The following PDE8B variants were observed in gnomAD, a reference collection of about 807,000 sequenced individuals.
PDE8B encodes the protein phosphodiesterase 8B.
A neutral mutation model predicts 101.3 loss-of-function variants in PDE8B; 26 were observed. That is an observed-to-expected ratio of 0.26 (90% CI 0.19 to 0.36). PDE8B has a LOEUF of 0.36. PDE8B is among the 10% of genes least tolerant of loss of function. PDE8B has a pLI of 1.00. For missense variants in PDE8B, 810 were observed against 1,163.1 expected (o/e 0.70, Z 4.42); for synonymous variants, 424 against 429.3 (o/e 0.99, Z 0.15).
At chr5:77,172,506 T>C in the PDE8B span, among the ~76,000 whole-genome samples, 58 of 152,324 alleles carry the variant, frequency 3.8e-4, no homozygotes, top group African/African-American at 1.3e-3. Context: ...GAACATCTGA[T>C]GGTGATGGAG....
rs143234269 is a variant in PDE8B, at chr5:77,415,872, A to C, written c.1912-2357A>C. Among the ~76,000 whole-genome samples the C allele has an allele frequency of 5.9e-3, 906 of 152,314 alleles. 7 individuals are homozygous for C. The highest frequency in any genetic ancestry group is 0.021 in the African/African-American group (858 of 41,560). ...ACATGAATATTTATCCTGAATAAGA[A>C]ACTATTTGAAAGACAGATCTAGAAT... On this transcript the variant is annotated intron_variant, in intron 17 of 21. Transcript: ENST00000264917.
chr5:77,210,168 A>C (rs1747932915), upstream of PDE8B, among the ~76,000 whole-genome samples: 1 of 152,036 alleles, frequency 6.6e-6, no homozygotes, highest in Non-Finnish European at 1.5e-5. This position sits in a 1 kb window ranked among gnomAD's most constrained non-coding sequence, Gnocchi z 4.9. Context: ...GAAAAGCGAG[A>C]GGCTTACACA....
intron 2 of PDE8B, among the ~76,000 whole-genome samples, chr5:77,312,369 G>T (rs1188143588): frequency 6.6e-6 from 1 of 152,194 alleles, no homozygotes; most frequent in Non-Finnish European, 1.5e-5. Flanking sequence ...CTCCCAGAGT[G>T]CTGGGATTAC....
chr5:77,196,329 A>G, the PDE8B span, among the ~76,000 whole-genome samples: 4 of 152,258 alleles, frequency 2.6e-5, no homozygotes, highest in African/African-American at 9.6e-5. Flanking sequence ...TTGGTATCAT[A>G]TTTAAGAAAC....
the PDE8B span, among the ~76,000 whole-genome samples, chr5:77,168,139 T>C: frequency 6.6e-6 from 1 of 152,224 alleles, no homozygotes; most frequent in Non-Finnish European, 1.5e-5. Context: ...TATTTTAAAT[T>C]TGAAGACAGG....
chr5:77,388,208 A>G (rs1019348644), intron 10 of PDE8B, among the ~76,000 whole-genome samples: 6 of 151,998 alleles, frequency 3.9e-5, no homozygotes, highest in Admixed American at 3.9e-4. Context: ...CCCCATCTTC[A>G]TGTATTTATC....
At chr5:77,126,699 C>G in the PDE8B span, among the ~76,000 whole-genome samples, 4 of 152,232 alleles carry the variant, frequency 2.6e-5, no homozygotes, top group South Asian at 8.3e-4. Context: ...GGATTACAGG[C>G]GTGAGCCACA....
At chr5:77,301,013 G>A (rs773595736) in intron 1 of PDE8B, among the ~76,000 whole-genome samples, 11 of 152,214 alleles carry the variant, frequency 7.2e-5, no homozygotes, top group Non-Finnish European at 1.5e-4. Flanking sequence ...TGCCCGACAA[G>A]GATTCATTAC....
At chr5:77,393,061 G>T (rs1252295494) in intron 10 of PDE8B, among the ~76,000 whole-genome samples, 1 of 152,142 alleles carries the variant, frequency 6.6e-6, no homozygotes, top group Non-Finnish European at 1.5e-5. Context: ...AGTAATTCAG[G>T]TTTAGCCCAA....
chr5:77,344,745 A>T (rs1440652446), intron 6 of PDE8B, 108 bp from the exon 7 acceptor site: 12 of 804,358 alleles, frequency 1.5e-5, no homozygotes, highest in Non-Finnish European at 2.5e-5. Flanking sequence ...CAATAACAAA[A>T]AGTACGTAGA....
chr5:77,197,181 C>T, the PDE8B span, among the ~76,000 whole-genome samples: 248 of 144,710 alleles, frequency 1.7e-3, no homozygotes, highest in African/African-American at 6.1e-3. Flanking sequence ...GGCATGATCT[C>T]GGCTCACTTC....
chr5:77,418,800 G>A lies in PDE8B; in HGVS notation c.2129+354G>A, dbSNP rs540159125. 1.3e-4 allele frequency among the ~76,000 whole-genome samples: 20 copies of A among 152,100 alleles called. No homozygotes were observed. In the South Asian group the frequency reaches 3.1e-3, roughly 24 times the overall value. The stretch of plus-strand genomic sequence containing the variant: ...CCCATTTTTCCCTAGCTCAATTTCC[G>A]GCCGCTTAAAATACTCCCTCATGAG... On this transcript the variant is annotated intron_variant, in intron 18 of 21. Transcript: ENST00000264917.
chr5:77,134,940 G>A, the PDE8B span, among the ~76,000 whole-genome samples: 5 of 152,180 alleles, frequency 3.3e-5, no homozygotes, highest in Admixed American at 2.6e-4. Flanking sequence ...TGGCAGTCCT[G>A]GAGGTACACT....
the PDE8B span, chr5:77,146,372 G>A: frequency 6.6e-6 from 1 of 152,324 alleles, no homozygotes; most frequent in Non-Finnish European, 1.5e-5. Context: ...CTCGCCATGA[G>A]TGTGGATGGA....
chr5:77,378,507 C>T (rs1786788814), intron 10 of PDE8B, among the ~76,000 whole-genome samples: 2 of 138,408 alleles, frequency 1.4e-5, no homozygotes, highest in Admixed American at 1.4e-4. Context: ...AAGATCTTTT[C>T]TCAAAACCTA....
chr5:77,326,793 C>T (rs1213464620), intron 3 of PDE8B, among the ~76,000 whole-genome samples: 1 of 152,004 alleles, frequency 6.6e-6, no homozygotes. Flanking sequence ...TTTTTCTTGG[C>T]CTTCACTTAC....
intron 10 of PDE8B, among the ~76,000 whole-genome samples, chr5:77,390,254 A>G (rs1789629803): frequency 6.6e-6 from 1 of 152,230 alleles, no homozygotes; most frequent in Admixed American, 6.5e-5. Flanking sequence ...GTTTGTAAAC[A>G]AAGCATTTAG....
chr5:77,240,827 T>C (rs968067872), intron 1 of PDE8B, among the ~76,000 whole-genome samples: 3 of 152,224 alleles, frequency 2.0e-5, no homozygotes, highest in African/African-American at 7.2e-5. Context: ...AAAATAAAAT[T>C]ATTTTGTCTT....
At chr5:77,369,203 C>CAAAAAAAA (rs70988667) in intron 10 of PDE8B, among the ~76,000 whole-genome samples, 5 of 79,020 alleles carry the variant, frequency 6.3e-5, no homozygotes, top group African/African-American at 1.1e-4. Context: ...TCCACTGTCT[C>CAAAAAAAA]AAAAAAAAAA....
Sources: gnomAD v4.1 joint callset for allele counts (sites outside exome capture counted in the v4.1 genomes callset) on GRCh38, gnomAD v4.1.1 for gene constraint, Gnocchi (gnomAD v3.1) non-coding constraint, MANE v1.5 for transcripts, NCBI Gene and HGNC (gene_info 2026-07-23, HGNC 2026-07-21) for gene names.